The following HBEGF variants were observed in gnomAD, a reference collection of about 807,000 sequenced individuals.
The protein encoded by HBEGF is heparin binding EGF like growth factor.
A neutral mutation model predicts 19.5 loss-of-function variants in HBEGF; 8 were observed. The observed-to-expected ratio is 0.41, with a 90% CI of 0.24 to 0.74. HBEGF has a LOEUF of 0.74. HBEGF is among the 30% of genes least tolerant of loss of function. The probability of loss-of-function intolerance (pLI) is 0.32; values close to 1 mark genes in which losing one functional copy is unlikely to be tolerated. For synonymous variants in HBEGF, 97 were observed against 108.9 expected (o/e 0.89, Z 0.68); for missense variants, 207 against 256.9 (o/e 0.81, Z 1.33).
chr5:140,346,193 G>A lies in HBEGF; in HGVS notation c.46+90C>T. ...GCGCAAGGGCCCCACCAAGTGGCCC[G>A]TGCCGGGTGCGCTGCGGCGACCTTC... On this transcript the variant is annotated intron_variant, in intron 1 of 5. Coordinates refer to ENST00000230990, the MANE Select transcript of HBEGF (RefSeq NM_001945.3). The surrounding 1 kb of genome is among the most constrained non-coding windows in gnomAD (Gnocchi z 6.1). The A allele has an allele frequency of 6.4e-7, 1 of 1,552,994 alleles. No individual in the cohort carries two copies. Among genetic ancestry groups the A allele is most frequent in the Non-Finnish European group, 8.7e-7 (1 of 1,148,744 alleles).
chr5:140,338,089 C>T (rs1388478675), intron 3 of HBEGF, among the ~76,000 whole-genome samples: 1 of 152,182 alleles, frequency 6.6e-6, no homozygotes, highest in Admixed American at 6.5e-5. Context: ...TTCATCATTC[C>T]TTCCACTTTG....
Position 140,332,984 on chromosome 5 carries a change from G to A in HBEGF, c.*1315C>T, listed in dbSNP as rs1046332143. On this transcript the variant is annotated 3_prime_UTR_variant, in exon 6 of 6. Transcript: ENST00000230990. ...AGCATAACTTCATCGTTTTGGTGAGGTGGGTGGGATTATACAAAGCCTTCC... is the reference window on the plus strand; with the variant it reads ...AGCATAACTTCATCGTTTTGGTGAGATGGGTGGGATTATACAAAGCCTTCC... 6 of 152,590 alleles carry A rather than the reference G, an allele frequency of 3.9e-5. No homozygotes were observed. The highest frequency in any genetic ancestry group is 1.4e-4 in the African/African-American group (6 of 41,434). 9.5% of individuals were successfully genotyped at this position (152,590 alleles called of 1,614,324 possible).
In HBEGF at chr5:140,335,942, T is replaced by A. The variant is rs1459498518; in HGVS notation, c.484A>T (p.Ile162Phe). The change falls in exon 4 of 6, where the codon ATC (isoleucine) becomes TTC (phenylalanine). Residue 162 changes from isoleucine to phenylalanine, a missense_variant. Ile to Phe is a conservative substitution (Grantham distance 21). Around this residue, in one of 3 missense-constraint regions of HBEGF, gnomAD observed 77 missense variants for 106.9 expected, o/e 0.72. Transcript: ENST00000230990. Reference sequence around the variant, plus strand: ...AGCACCACAGCCACCACGGCCAGGATGGTTGTGTGGTCATAGGTATATAAG... The same window carrying A: ...AGCACCACAGCCACCACGGCCAGGAAGGTTGTGTGGTCATAGGTATATAAG... ...NRLYTYDHTT[I>F]LAVVAVVLSS... 3.1e-6 allele frequency: 5 copies of A among 1,614,072 alleles called. No individual in the cohort carries two copies. The highest frequency in any genetic ancestry group is 4.2e-6 in the Non-Finnish European group (5 of 1,179,996).
chr5:140,342,816 T>C lies in HBEGF; in HGVS notation c.221-4A>G, dbSNP rs375233117. Reference sequence around the variant, plus strand: ...TGTGGCTTGGAGGATAAAGTGACTGTAGGAGAAAAGCACTCTGTTAAAGTC... The same window carrying C: ...TGTGGCTTGGAGGATAAAGTGACTGCAGGAGAAAAGCACTCTGTTAAAGTC... On this transcript the variant is annotated splice_region_variant and splice_polypyrimidine_tract_variant and intron_variant, in intron 2 of 5. Coordinates refer to ENST00000230990, the MANE Select transcript of HBEGF (RefSeq NM_001945.3). The C allele has an allele frequency of 1.2e-4, 195 of 1,614,078 alleles. 1 individual carries two copies. In the African/African-American group the frequency reaches 1.8e-3, roughly 15 times the overall value.
chr5:140,339,645 C>T (rs11168045), intron 3 of HBEGF, among the ~76,000 whole-genome samples: 7,138 of 152,210 alleles, frequency 0.047, 255 homozygotes, highest in Non-Finnish European at 0.068. Flanking sequence ...CCACGTGCCT[C>T]GGCCTCCCAA....
At chr5:140,342,538 G>A in intron 3 of HBEGF, 97 bp downstream of exon 3, 1 of 1,203,174 alleles carries the variant, frequency 8.3e-7, no homozygotes, top group South Asian at 1.4e-5. Flanking sequence ...AAGAAACTGG[G>A]TGAAATTATG....
At chr5:140,339,020 C>G (rs1394602274) in intron 3 of HBEGF, among the ~76,000 whole-genome samples, 1 of 152,170 alleles carries the variant, frequency 6.6e-6, no homozygotes, top group African/African-American at 2.4e-5. Context: ...ATGTAAAACA[C>G]AGGGATAAGA....
intron 3 of HBEGF, among the ~76,000 whole-genome samples, chr5:140,342,227 G>A (rs1766324248): frequency 6.6e-6 from 1 of 152,096 alleles, no homozygotes; most frequent in Non-Finnish European, 1.5e-5. Flanking sequence ...TATACATCAT[G>A]CATCCAAATG....
At chr5:140,336,055 T>G in intron 3 of HBEGF, 28 bp from the exon 4 acceptor site, 1 of 1,609,214 alleles carries the variant, frequency 6.2e-7, no homozygotes, top group Non-Finnish European at 8.5e-7. Flanking sequence ...AAGAAGGAGA[T>G]GGAGTTAGTG....
Position 140,334,231 on chromosome 5 carries a change from G to C in HBEGF, c.*68C>G, listed in dbSNP as rs1343370232. 4.3e-5 allele frequency: 7 copies of C among 163,616 alleles called. No individual in the cohort carries two copies. Among genetic ancestry groups the C allele is most frequent in the Non-Finnish European group, 9.3e-5 (7 of 75,262 alleles). 10.1% of individuals were successfully genotyped at this position (163,616 alleles called of 1,614,324 possible). On this transcript the variant is annotated 3_prime_UTR_variant, in exon 6 of 6. Coordinates refer to ENST00000230990, the MANE Select transcript of HBEGF (RefSeq NM_001945.3). ...TAGATGGAAGTCTTTCCCCTCTGCA[G>C]TCTGAAATCACCTTGTGTCTTCTCA...
Position 140,346,315 on chromosome 5 carries a change from G to C in HBEGF, c.14C>G (p.Pro5Arg). ...CAGAAAGAGCTTCAGCACCACCGAC[G>C]GCAGCAGCTTCATGGTCCCGCACCG... MKLL[P>R]SVVLKLFLAA... The change falls in exon 1 of 6, where the codon CCG (proline) becomes CGG (arginine). Residue 5 changes from proline (P) to arginine (R), a missense_variant. This residue lies in a region of HBEGF where 127 missense variants were observed against 132.7 expected (regional missense o/e 0.96). Coordinates refer to ENST00000230990, the MANE Select transcript of HBEGF (RefSeq NM_001945.3). The surrounding 1 kb of genome is among the most constrained non-coding windows in gnomAD (Gnocchi z 6.1). The C allele has an allele frequency of 6.2e-7, 1 of 1,609,130 alleles. No individual in the cohort carries two copies. The highest frequency in any genetic ancestry group is 8.5e-7 in the Non-Finnish European group (1 of 1,178,132).
intron 4 of HBEGF, among the ~76,000 whole-genome samples, chr5:140,335,383 CAA>C (rs752308223): frequency 0.29 from 25,963 of 90,684 alleles, 2,448 homozygotes; most frequent in East Asian, 0.42. Flanking sequence ...GACTCTGTCT[CAA>C]AAAAAAAAAA....
intron 3 of HBEGF, among the ~76,000 whole-genome samples, chr5:140,340,582 C>CAAAAAAAAAAAAAAAAAAAA (rs61489261): frequency 1.7e-5 from 1 of 59,848 alleles, no homozygotes; most frequent in Non-Finnish European, 3.1e-5. Flanking sequence ...GACTCTGTCT[C>CAAAAAAAAAAAAAAAAAAAA]AAAAAAAAAA....
chr5:140,334,572 A>T, intron 5 of HBEGF, 86 bp downstream of exon 5: 1 of 883,434 alleles, frequency 1.1e-6, no homozygotes, highest in Non-Finnish European at 1.9e-6. Flanking sequence ...CCCAACCCCT[A>T]TATGAAGAAT....
chr5:140,346,402 G>A lies in HBEGF; in HGVS notation c.-74C>T, dbSNP rs1766401709. On this transcript the variant is annotated 5_prime_UTR_variant, in exon 1 of 6. Coordinates refer to ENST00000230990, the MANE Select transcript of HBEGF (RefSeq NM_001945.3). This position sits in a 1 kb window ranked among gnomAD's most constrained non-coding sequence, Gnocchi z 6.1. Reference sequence around the variant, plus strand: ...GCGGCCACTGGGCGCTGGCACCAGAGCTGGGCGGCGGAGCTCAGGAGATTC... The same window carrying A: ...GCGGCCACTGGGCGCTGGCACCAGAACTGGGCGGCGGAGCTCAGGAGATTC... 6.6e-7 allele frequency: 1 copy of A among 1,517,460 alleles called. No homozygotes were observed. Among genetic ancestry groups the A allele is most frequent in the Non-Finnish European group, 8.9e-7 (1 of 1,117,578 alleles). The allele number at this position is 1,517,460 out of a possible 1,614,324, so 94.0% of individuals were successfully genotyped here.
rs1217237171 is a variant in HBEGF at position 140,336,846 on chromosome 5, T to TC, written c.399-820_399-819insG. Reference sequence around the variant, plus strand: ...TCTTTTTCTTTTTTTTTTTTTTTTTTTGAGACAGAGTCTTGCTCTGTCTCC... The same window carrying TC: ...TCTTTTTCTTTTTTTTTTTTTTTTTTCTGAGACAGAGTCTTGCTCTGTCTCC... On this transcript the variant is annotated intron_variant, in intron 3 of 5. Coordinates refer to ENST00000230990, the MANE Select transcript of HBEGF (RefSeq NM_001945.3). Among the ~76,000 whole-genome samples the TC allele has an allele frequency of 1.7e-3, 256 of 149,546 alleles. 2 individuals carry two copies. The highest frequency in any genetic ancestry group is 5.7e-3 in the African/African-American group (232 of 40,692).
At position 140,336,159 on chromosome 5, in the gene HBEGF, T is replaced by A. The variant is rs1368950368; in HGVS notation, c.399-132A>T. ...AATCCCTGACCACGATCCCTGCCCA[T>A]CCTCCATCCTTCTCCTCTAGTAGAA... On this transcript the variant is annotated intron_variant, in intron 3 of 5. Coordinates refer to ENST00000230990, the MANE Select transcript of HBEGF (RefSeq NM_001945.3). The A allele has an allele frequency of 3.6e-6, 3 of 828,444 alleles. No homozygotes were observed. The East Asian group carries it at 7.8e-5, about 21-fold the overall frequency. 51.3% of individuals were successfully genotyped at this position (828,444 alleles called of 1,614,324 possible).
rs375401691 is a variant in HBEGF at position 140,346,032 on chromosome 5, T to C, written c.99A>G (p.Leu33=). The change falls in exon 2 of 6, where the codon CTA becomes CTG. Residue 33 remains leucine (L), a synonymous_variant. Transcript: ENST00000230990. The surrounding 1 kb of genome is among the most constrained non-coding windows in gnomAD (Gnocchi z 6.1). ...GGTCCGGGTTGCTGGTTCCAGCAGCTAGCCCTCTCCGAAGCCGCTCCAGGC... is the reference window on the plus strand; with the variant it reads ...GGTCCGGGTTGCTGGTTCCAGCAGCCAGCCCTCTCCGAAGCCGCTCCAGGC... ...GESLERLRRG[L]AAGTSNPDPP... The C allele has an allele frequency of 6.2e-7, 1 of 1,613,956 alleles. No individual in the cohort carries two copies. The highest frequency in any genetic ancestry group is 8.5e-7 in the Non-Finnish European group (1 of 1,179,950).
chr5:140,344,227 C>G (rs1378495627), intron 2 of HBEGF, among the ~76,000 whole-genome samples: 1 of 152,126 alleles, frequency 6.6e-6, no homozygotes, highest in Non-Finnish European at 1.5e-5. Context: ...ACTGTGTTCT[C>G]TGGACTTCAC....
Sources: gnomAD v4.1 joint callset for allele counts (sites outside exome capture counted in the v4.1 genomes callset) on GRCh38, gnomAD v4.1.1 for gene constraint, gnomAD v4.1.1 regional missense constraint, Gnocchi (gnomAD v3.1) non-coding constraint, MANE v1.5 for transcripts, NCBI Gene and HGNC (gene_info 2026-07-23, HGNC 2026-07-21) for gene names.